The following COL15A1 variants were observed in gnomAD, a reference collection of about 807,000 sequenced individuals.
COL15A1 encodes collagen type XV alpha 1 chain.
COL15A1 carries 111 observed loss-of-function variants against 165.9 expected under a neutral mutation model. The ratio of observed to expected loss-of-function variants is 0.67; its 90% CI spans 0.57 to 0.78. The LOEUF is 0.78. COL15A1 is among the 30% of genes least tolerant of loss of function. COL15A1 has a pLI of 0.00. For missense variants in COL15A1, 1,745 were observed against 1,789.7 expected (o/e 0.98, Z 0.45); for synonymous variants, 659 against 674.8 (o/e 0.98, Z 0.36).
chr9:99,004,661 G>C (rs369157786), intron 8 of COL15A1, among the ~76,000 whole-genome samples: 4 of 152,196 alleles, frequency 2.6e-5, no homozygotes, highest in African/African-American at 9.7e-5. Flanking sequence ...CTCGGGGTTG[G>C]CAGGGAGTGG....
At position 99,068,663 on chromosome 9, in the gene COL15A1, C is replaced by T. The variant is rs1379521189; in HGVS notation, c.3946C>T (p.Pro1316Ser). The change falls in exon 41 of 42, where the codon CCT (proline) becomes TCT (serine). Residue 1316 changes from proline to serine, a missense_variant. Transcript: ENST00000375001. ...TGATGGTCGAGACATAATGACAGAT[C>T]CTTCTTGGTAAGTGAGGGTGGAAGT... ...SFDGRDIMTD[P>S]SWPQKVIWHG... is the part of the protein sequence containing the mutation. 12 of 1,546,006 alleles carry T rather than the reference C, an allele frequency of 7.8e-6. No homozygotes were observed. Among genetic ancestry groups the T allele is most frequent in the Non-Finnish European group, 1.0e-5 (12 of 1,147,910 alleles).
At chr9:99,044,675 C>T (rs771728303) in intron 25 of COL15A1, 39 bp downstream of exon 25, 3 of 1,612,076 alleles carry the variant, frequency 1.9e-6, no homozygotes, top group Non-Finnish European at 2.5e-6. Flanking sequence ...CATATCTGCC[C>T]CAGCTTTGCA....
chr9:99,058,832 G>A (rs969595326), intron 35 of COL15A1, among the ~76,000 whole-genome samples: 1 of 152,154 alleles, frequency 6.6e-6, no homozygotes. Context: ...CTAGACATTT[G>A]CCACCTGTGT....
In COL15A1 at chr9:99,034,730, C is replaced by T. The variant is rs1444125933; in HGVS notation, c.2079+146C>T. The T allele has an allele frequency of 5.7e-6, 8 of 1,415,726 alleles. No individual in the cohort carries two copies. The African/African-American group carries it at 1.2e-4, about 21-fold the overall frequency. 87.7% of individuals were successfully genotyped at this position (1,415,726 alleles called of 1,614,324 possible). A position where few individuals can be genotyped will look rare whatever the true frequency, so the allele number is the denominator to read the frequency against. ...AGAGGAACACATCTCAAAGGAATTG[C>T]TCAGAGAAGGCAGAACAGCTGGGGA... On this transcript the variant is annotated intron_variant, in intron 17 of 41. Transcript: ENST00000375001.
intron 5 of COL15A1, among the ~76,000 whole-genome samples, chr9:98,993,435 G>A (rs191653956): frequency 1.3e-5 from 2 of 152,270 alleles, no homozygotes; most frequent in Non-Finnish European, 2.9e-5. Context: ...GATTGCCCTG[G>A]GCTGTGCCTC....
chr9:98,993,892 C>A (rs1285832879), intron 5 of COL15A1, among the ~76,000 whole-genome samples: 1 of 152,160 alleles, frequency 6.6e-6, no homozygotes, highest in East Asian at 1.9e-4. Context: ...AGCCTGCCAC[C>A]CTTTGAGACA....
At position 99,069,752 on chromosome 9, in the gene COL15A1, G is replaced by A. The variant is rs769683098; in HGVS notation, c.4033G>A (p.Ala1345Thr). 1.2e-5 allele frequency: 19 copies of A among 1,614,148 alleles called. No homozygotes were observed. Among genetic ancestry groups the A allele is most frequent in the African/African-American group, 2.7e-5 (2 of 74,946 alleles). ...VDNYCEAWRT[A>T]DTAVTGLASP... Reference sequence around the variant, plus strand: ...TAACTACTGTGAAGCATGGCGAACCGCGGACACAGCGGTCACGGGACTTGC... The same window carrying A: ...TAACTACTGTGAAGCATGGCGAACCACGGACACAGCGGTCACGGGACTTGC... The change falls in exon 42 of 42, where the codon GCG becomes ACG. Residue 1345 changes from alanine to threonine, a missense_variant. Physicochemically the swap from Ala to Thr is moderately conservative, Grantham distance 58 (BLOSUM62 0). Transcript: ENST00000375001.
In COL15A1 at chr9:98,969,023, T is replaced by G. The variant is rs181295611; in HGVS notation, c.101-16542T>G. Among the ~76,000 whole-genome samples, 287 of 152,364 alleles carry G rather than the reference T, an allele frequency of 1.9e-3. 2 individuals carry two copies. The highest frequency in any genetic ancestry group is 6.6e-3 in the African/African-American group (273 of 41,582). On this transcript the variant is annotated intron_variant, in intron 2 of 41. Coordinates refer to ENST00000375001, the MANE Select transcript of COL15A1 (RefSeq NM_001855.5). ...TCCTGTCTGGAGCCCTTTGTCCATG[T>G]TAATTGTTCCTCATACCCTGGCAAG...
chr9:98,961,020 A>G (rs1235995654), intron 2 of COL15A1, among the ~76,000 whole-genome samples: 1 of 152,244 alleles, frequency 6.6e-6, no homozygotes, highest in Non-Finnish European at 1.5e-5. Flanking sequence ...ATGTGGGGAA[A>G]GTGAAACATA....
At position 99,062,234 on chromosome 9, in the gene COL15A1, T is replaced by A. The variant is rs975934498; in HGVS notation, c.3532-11T>A. ...TTGATCTTTCATTTCAATGTACTGTTTTTCTTAAAGCTGGGAGAACTGATC... is the reference window on the plus strand; with the variant it reads ...TTGATCTTTCATTTCAATGTACTGTATTTCTTAAAGCTGGGAGAACTGATC... On this transcript the variant is annotated splice_polypyrimidine_tract_variant and intron_variant, in intron 37 of 41. Transcript: ENST00000375001. The A allele has an allele frequency of 1.1e-5, 17 of 1,613,208 alleles. No individual in the cohort carries two copies. The highest frequency in any genetic ancestry group is 1.3e-5 in the Non-Finnish European group (15 of 1,179,244).
intron 2 of COL15A1, among the ~76,000 whole-genome samples, chr9:98,971,899 C>T (rs1334501980): frequency 1.3e-5 from 2 of 152,210 alleles, no homozygotes; most frequent in Non-Finnish European, 2.9e-5. Context: ...AGTTCCTTAT[C>T]CGCTGGGCCT....
chr9:99,056,461 C>A, intron 35 of COL15A1, 57 bp downstream of exon 35: 1 of 1,526,288 alleles, frequency 6.6e-7, no homozygotes, highest in South Asian at 1.3e-5. Flanking sequence ...TGTTCAAGGT[C>A]ACAGCATCTG....
chr9:99,055,513 T>A, intron 34 of COL15A1, 141 bp downstream of exon 34: 2 of 619,340 alleles, frequency 3.2e-6, no homozygotes, highest in Non-Finnish European at 5.7e-6. Flanking sequence ...TCTTTCCCCA[T>A]CCTTGTTGAT....
intron 2 of COL15A1, among the ~76,000 whole-genome samples, chr9:98,948,162 C>T (rs1209073991): frequency 6.6e-6 from 1 of 152,180 alleles, no homozygotes. Flanking sequence ...GGGCACAGAG[C>T]TGCCCCAAAG....
intron 26 of COL15A1, among the ~76,000 whole-genome samples, chr9:99,046,810 A>G (rs1839498342): frequency 6.6e-6 from 1 of 152,260 alleles, no homozygotes; most frequent in Non-Finnish European, 1.5e-5. Flanking sequence ...CCATATCAGG[A>G]AGTGTTGCAC....
chr9:99,001,204 G>A (rs1004134376), intron 7 of COL15A1, among the ~76,000 whole-genome samples: 1 of 152,118 alleles, frequency 6.6e-6, no homozygotes, highest in African/African-American at 2.4e-5. Context: ...ATGAGCGAGC[G>A]TCCAGGCCTC....
rs60892848 is a variant in COL15A1 at position 98,959,227 on chromosome 9, C to CAAAAA, written c.100+14993_100+14997dup. On this transcript the variant is annotated intron_variant, in intron 2 of 41. Transcript: ENST00000375001. ...GCAACATAGTGAGACCCTGTCTCTA[C>CAAAAA]AAAAAAAAAAAAAAAAAAAACTAAA... is the stretch of plus-strand genomic sequence containing the variant. Among the ~76,000 whole-genome samples the CAAAAA allele has an allele frequency of 1.2e-3, 88 of 73,090 alleles. 5 individuals carry two copies. Among genetic ancestry groups the CAAAAA allele is most frequent in the African/African-American group, 2.0e-3 (37 of 18,730 alleles). The allele number at this position is 73,090 out of a possible 152,430, so 47.9% of individuals were successfully genotyped here.
intron 41 of COL15A1, 57 bp from the exon 42 acceptor site, chr9:99,069,616 A>G (rs1825951440): frequency 6.3e-7 from 1 of 1,575,000 alleles, no homozygotes; most frequent in African/African-American, 1.4e-5. Flanking sequence ...TTGCTTACCA[A>G]AAAATACCAC....
chr9:98,989,109 C>A (rs1181586137), intron 4 of COL15A1, 69 bp from the exon 5 acceptor site: 9 of 1,214,118 alleles, frequency 7.4e-6, no homozygotes, highest in African/African-American at 4.5e-5. Flanking sequence ...CTGTAACTTT[C>A]CCAGTCATCC....
Sources: gnomAD v4.1 joint callset for allele counts (sites outside exome capture counted in the v4.1 genomes callset) on GRCh38, gnomAD v4.1.1 for gene constraint, MANE v1.5 for transcripts, NCBI Gene and HGNC (gene_info 2026-07-23, HGNC 2026-07-21) for gene names.